The following POLQ variants were observed in gnomAD, a reference collection of about 807,000 sequenced individuals.
POLQ encodes epididymis secretory sperm binding protein.
POLQ carries 233 observed loss-of-function variants against 259.2 expected under a neutral mutation model. The ratio of observed to expected loss-of-function variants is 0.90; its 90% CI spans 0.81 to 1.00. The LOEUF (loss-of-function observed/expected upper bound fraction) is 1.00, where lower values mean the gene tolerates loss of function less well. Among genes scored for constraint, POLQ ranks in the 50% least tolerant of loss-of-function variants. The probability of loss-of-function intolerance (pLI) is 0.00; values close to 1 mark genes in which losing one functional copy is unlikely to be tolerated. For synonymous variants in POLQ, 1,025 were observed against 1,048.8 expected (o/e 0.98, Z 0.44); for missense variants, 2,871 against 3,051.6 (o/e 0.94, Z 1.39).
chr3:121,480,528 C>T (rs1453118665), intron 19 of POLQ, among the ~76,000 whole-genome samples: 4 of 151,670 alleles, frequency 2.6e-5, no homozygotes, highest in South Asian at 4.2e-4. Context: ...ACTATGTGGT[C>T]CAGGCTGGTC....
At chr3:121,466,465 C>T (rs942028635) in intron 24 of POLQ, among the ~76,000 whole-genome samples, 9 of 151,218 alleles carry the variant, frequency 6.0e-5, no homozygotes, top group East Asian at 3.9e-4. Flanking sequence ...CCGAGGCAGG[C>T]GGATCACCTG....
At chr3:121,482,158 T>C (rs2047976422) in intron 18 of POLQ, among the ~76,000 whole-genome samples, 1 of 152,202 alleles carries the variant, frequency 6.6e-6, no homozygotes, top group South Asian at 2.1e-4. Context: ...AAGGCTAATT[T>C]GGGCTAAGCT....
rs1019821225 is a variant in POLQ at position 121,489,293 on chromosome 3, A to G, written c.3638T>C (p.Ile1213Thr). ...QTSTITKQKN[I>T]IERQMPCEAV... ...TTCACAGGGCATTTGTCTCTCTATTATATTTTTCTGTTTGGTAATAGTGCT... is the reference window on the plus strand; with the variant it reads ...TTCACAGGGCATTTGTCTCTCTATTGTATTTTTCTGTTTGGTAATAGTGCT... The change falls in exon 16 of 30, where the codon ATA (isoleucine) becomes ACA (threonine). Residue 1213 changes from isoleucine to threonine, a missense_variant. Physicochemically the swap from Ile to Thr is moderately conservative, Grantham distance 89. Transcript: ENST00000264233. The G allele has an allele frequency of 1.9e-6, 3 of 1,613,538 alleles. No homozygotes were observed. The African/African-American group carries it at 4.0e-5, about 22-fold the overall frequency.
intron 16 of POLQ, among the ~76,000 whole-genome samples, chr3:121,485,711 C>G (rs773841223): frequency 3.3e-5 from 5 of 152,084 alleles, no homozygotes; most frequent in Admixed American, 6.6e-5. Flanking sequence ...GAACTTAGTA[C>G]ATATTTATTA....
intron 6 of POLQ, among the ~76,000 whole-genome samples, chr3:121,531,416 T>TA (rs1048158419): frequency 2.6e-5 from 4 of 151,958 alleles, no homozygotes; most frequent in Non-Finnish European, 4.4e-5. Context: ...CTTGTTGTAT[T>TA]AAAAAACAGC....
chr3:121,443,915 TG>T (rs1347980347), intron 26 of POLQ, among the ~76,000 whole-genome samples: 12 of 152,324 alleles, frequency 7.9e-5, no homozygotes, highest in South Asian at 6.2e-4. Context: ...GGTTTCTTTC[TG>T]GGTTCTCTAT....
intron 25 of POLQ, among the ~76,000 whole-genome samples, chr3:121,454,857 G>T (rs1481352122): frequency 6.6e-6 from 1 of 152,102 alleles, no homozygotes; most frequent in African/African-American, 2.4e-5. Context: ...CCCAGGAATT[G>T]AACTCAGCTC....
chr3:121,484,356 TC>T (rs1447233215), intron 17 of POLQ, among the ~76,000 whole-genome samples: 3 of 152,084 alleles, frequency 2.0e-5, no homozygotes, highest in Admixed American at 6.6e-5. Flanking sequence ...AGCTCAACAT[TC>T]CCTCTAGATG....
intron 16 of POLQ, among the ~76,000 whole-genome samples, chr3:121,486,778 GC>G: frequency 6.6e-6 from 1 of 151,798 alleles, no homozygotes; most frequent in Non-Finnish European, 1.5e-5. Context: ...CAGGAGAATT[GC>G]TTGAACTCAG....
chr3:121,477,063 A>G (rs1390716451), intron 19 of POLQ, among the ~76,000 whole-genome samples: 1 of 152,204 alleles, frequency 6.6e-6, no homozygotes, highest in Non-Finnish European at 1.5e-5. Context: ...CCTTATTTTG[A>G]AATCCAAAAT....
At chr3:121,525,327 G>C (rs1407481281) in intron 7 of POLQ, among the ~76,000 whole-genome samples, 1 of 148,016 alleles carries the variant, frequency 6.8e-6, no homozygotes, top group African/African-American at 2.5e-5. Context: ...GGCAAAAGAC[G>C]GAGACTCCGT....
intron 24 of POLQ, among the ~76,000 whole-genome samples, chr3:121,466,363 C>CAAAAAAAAA (rs751087085): frequency 1.1e-5 from 1 of 94,162 alleles, no homozygotes; most frequent in Non-Finnish European, 2.1e-5. Flanking sequence ...GACTCCGTCT[C>CAAAAAAAAA]AAAAAAAAAA....
intron 9 of POLQ, among the ~76,000 whole-genome samples, chr3:121,513,239 G>A (rs1342947143): frequency 6.6e-6 from 1 of 152,062 alleles, no homozygotes; most frequent in Admixed American, 6.6e-5. Context: ...ATAGGATAAA[G>A]TGAAGGGATT....
intron 21 of POLQ, 25 bp from the exon 22 acceptor site, chr3:121,472,189 T>C (rs200645910): frequency 3.0e-5 from 34 of 1,151,660 alleles, no homozygotes; most frequent in Admixed American, 4.6e-5. Context: ...TAAGGTAAGA[T>C]TGAATTCTTG....
chr3:121,491,088 C>T (rs901904911), intron 15 of POLQ, among the ~76,000 whole-genome samples: 1 of 152,022 alleles, frequency 6.6e-6, no homozygotes, highest in Non-Finnish European at 1.5e-5. Context: ...CGCAGTGGCT[C>T]ATGCCTGTAA....
chr3:121,521,933 A>G, intron 8 of POLQ, 70 bp downstream of exon 8: 1 of 1,070,348 alleles, frequency 9.3e-7, no homozygotes, highest in Non-Finnish European at 1.3e-6. Context: ...ATAAATGTAC[A>G]CAAATATAAA....
chr3:121,468,752 TA>T (rs1439426932), intron 22 of POLQ, among the ~76,000 whole-genome samples: 1 of 152,194 alleles, frequency 6.6e-6, no homozygotes. Flanking sequence ...TATAACATGT[TA>T]GCGGTCATAT....
chr3:121,449,987 G>C (rs1463516052), intron 25 of POLQ, among the ~76,000 whole-genome samples: 3 of 152,212 alleles, frequency 2.0e-5, no homozygotes, highest in Non-Finnish European at 4.4e-5. Flanking sequence ...CGGGAGTAGT[G>C]AAGGGAAATG....
At chr3:121,460,335 C>A in intron 24 of POLQ, 101 bp from the exon 25 acceptor site, 1 of 815,290 alleles carries the variant, frequency 1.2e-6, no homozygotes, top group South Asian at 1.8e-5. Context: ...AAATTTTGTT[C>A]TAACTTAGAA....
Sources: allele counts gnomAD v4.1 joint callset (sites outside exome capture counted in the v4.1 genomes callset), GRCh38; gene constraint gnomAD v4.1.1; transcripts MANE v1.5; gene names NCBI Gene and HGNC (gene_info 2026-07-23, HGNC 2026-07-21).